Variants in OVCH1 observed in about 807,000 individuals in gnomAD.
The protein encoded by OVCH1 is ovochymase-1.
OVCH1 carries 139 observed loss-of-function variants against 138.4 expected under a neutral mutation model. The ratio of observed to expected loss-of-function variants is 1.00; its 90% CI spans 0.87 to 1.16. The LOEUF (loss-of-function observed/expected upper bound fraction) is 1.16, where lower values mean the gene tolerates loss of function less well. Among genes scored for constraint, OVCH1 ranks in the 50% most tolerant of loss-of-function variants. The pLI, the probability that OVCH1 is intolerant of heterozygous loss-of-function variation, is 0.00. For synonymous variants in OVCH1, 453 were observed against 467.8 expected (o/e 0.97, Z 0.41); for missense variants, 1,367 against 1,357.9 (o/e 1.01, Z -0.11).
At chr12:29,469,830 G>A (rs2136000697) in intron 16 of OVCH1, among the ~76,000 whole-genome samples, 1 of 152,248 alleles carries the variant, frequency 6.6e-6, no homozygotes, top group Admixed American at 6.5e-5. Flanking sequence ...CTATGATCAT[G>A]CCACTGCATT....
At position 29,442,642 on chromosome 12, in the gene OVCH1, T is replaced by G. The variant is rs906477072; in HGVS notation, c.3157+719A>C. Among the ~76,000 whole-genome samples the G allele has an allele frequency of 7.3e-5, 11 of 150,772 alleles. No individual in the cohort carries two copies. In the South Asian group the frequency reaches 1.3e-3, roughly 17 times the overall value. Reference sequence around the variant, plus strand: ...ATAATAATAATAAAATAAAAAAAAATAAAAAAAAGAAATTTTATGATGGGG... The same window carrying G: ...ATAATAATAATAAAATAAAAAAAAAGAAAAAAAAGAAATTTTATGATGGGG... On this transcript the variant is annotated intron_variant, in intron 25 of 27. Transcript: ENST00000318184.
intron 16 of OVCH1, among the ~76,000 whole-genome samples, chr12:29,467,584 G>T (rs1178267621): frequency 2.0e-5 from 3 of 152,138 alleles, no homozygotes; most frequent in Non-Finnish European, 2.9e-5. Flanking sequence ...AGAAGAGAGA[G>T]CCACCTGACT....
intron 25 of OVCH1, among the ~76,000 whole-genome samples, chr12:29,441,568 C>T (rs1381329142): frequency 6.6e-6 from 1 of 152,082 alleles, no homozygotes; most frequent in Non-Finnish European, 1.5e-5. Context: ...TGGGCAAGGA[C>T]TTCATGTCTA....
At chr12:29,491,097 T>A in exon 5 of OVCH1, 1 of 1,612,682 alleles carries the variant, frequency 6.2e-7, no homozygotes, top group African/African-American at 1.3e-5. Flanking sequence ...TGTCTCTTAC[T>A]TTTGGAAATC....
chr12:29,487,732 A>G lies in OVCH1; in HGVS notation c.853T>C (p.Ser285Pro), dbSNP rs770618696. The G allele has an allele frequency of 1.9e-6, 3 of 1,604,270 alleles. No individual in the cohort carries two copies. The South Asian group carries it at 3.4e-5, about 18-fold the overall frequency. ...TGAGTGATAAAATCCATCAACTCAG[A>G]CACTTTGGAGAAAATGCCAAGTGAT... is the stretch of plus-strand genomic sequence containing the variant. Residue 285 changes from serine (S) to proline (P), a missense_variant, in exon 7 of 28, where the codon TCT (serine) becomes CCT (proline). Ser to Pro is a moderately conservative substitution (Grantham distance 74). Coordinates refer to ENST00000318184, the Ensembl canonical transcript of OVCH1.
intron 3 of OVCH1, 30 bp from the exon 4 acceptor site, chr12:29,495,487 A>G: frequency 6.3e-7 from 1 of 1,594,830 alleles, no homozygotes; most frequent in Non-Finnish European, 8.6e-7. Flanking sequence ...TTTCATAAGT[A>G]GTTGTTTCCC....
chr12:29,471,879 C>A, exon 16 of OVCH1: 2 of 1,613,268 alleles, frequency 1.2e-6, no homozygotes, highest in Non-Finnish European at 1.7e-6. Flanking sequence ...CGCCTAGAAA[C>A]CTCAGACCCA....
In OVCH1 at chr12:29,477,248, G is replaced by A. The variant is rs770791710; in HGVS notation, c.1247-16C>T. 70 of 1,613,072 alleles carry A rather than the reference G, an allele frequency of 4.3e-5. No individual in the cohort carries two copies. In the South Asian group the frequency reaches 7.3e-4, roughly 17 times the overall value. On this transcript the variant is annotated splice_polypyrimidine_tract_variant and intron_variant, in intron 11 of 27. Transcript: ENST00000318184. ...CAACCTGACCCTGTGGAAGCATTGG[G>A]GAAATTCAAAGTGAATGGCCAAAGA...
intron 22 of OVCH1, among the ~76,000 whole-genome samples, chr12:29,448,410 T>TA (rs2135935879): frequency 6.6e-6 from 1 of 151,912 alleles, no homozygotes; most frequent in Admixed American, 6.6e-5. Flanking sequence ...TGATACAACT[T>TA]ACATCAGTCA....
At chr12:29,455,279 A>T (rs772868110) in exon 20 of OVCH1, 1 of 1,613,762 alleles carries the variant, frequency 6.2e-7, no homozygotes, top group South Asian at 1.1e-5. Flanking sequence ...CAGTCCAAGA[A>T]GATCATCACT....
rs1408116072 is a variant in OVCH1, at chr12:29,445,404, C to T, written c.2756-1G>A. 6.2e-7 allele frequency: 1 copy of T among 1,603,626 alleles called. No individual in the cohort carries two copies. Among genetic ancestry groups the T allele is most frequent in the Admixed American group, 1.7e-5 (1 of 58,106 alleles). ...TAAAGTCTTCTTCCATGTAATCCAC[C>T]TAGGTTAAAAAGTGAACTCTAGTAA... On this transcript the variant is annotated splice_acceptor_variant, in intron 22 of 27. Coordinates refer to ENST00000318184, the Ensembl canonical transcript of OVCH1. LOFTEE classifies it high-confidence loss of function.
At chr12:29,496,914 C>T (rs1179790377) in intron 1 of OVCH1, among the ~76,000 whole-genome samples, 2 of 152,206 alleles carry the variant, frequency 1.3e-5, no homozygotes, top group Admixed American at 6.5e-5. Flanking sequence ...AGGAAGGAGC[C>T]AGCGCTGCCT....
At chr12:29,455,455 CCTG>C (rs753578192) in intron 19 of OVCH1, 50 bp from the exon 20 acceptor site, 130 of 1,529,396 alleles carry the variant, frequency 8.5e-5, no homozygotes, top group Middle Eastern at 3.5e-4. Context: ...ATCTGAAGCT[CCTG>C]CTTTCAGTTT....
intron 22 of OVCH1, among the ~76,000 whole-genome samples, chr12:29,449,171 A>G (rs916013317): frequency 4.6e-5 from 7 of 151,634 alleles, no homozygotes; most frequent in African/African-American, 1.7e-4. Flanking sequence ...TCTATTTTTA[A>G]CCATCTTCTG....
intron 3 of OVCH1, among the ~76,000 whole-genome samples, chr12:29,414,494 T>C (rs965333080): frequency 4.6e-5 from 7 of 152,220 alleles, no homozygotes; most frequent in African/African-American, 1.7e-4. Context: ...AAAATAAATC[T>C]GTGCAGTTGT....
At chr12:29,496,874 G>T (rs115657452) in intron 1 of OVCH1, among the ~76,000 whole-genome samples, 200 bp from the exon 2 acceptor site, 1 of 152,172 alleles carries the variant, frequency 6.6e-6, no homozygotes, top group African/African-American at 2.4e-5. Context: ...CCTCCTGTCT[G>T]CTCCCTTTCA....
At chr12:29,491,988 A>G (rs1165870926) in intron 4 of OVCH1, among the ~76,000 whole-genome samples, 1 of 152,182 alleles carries the variant, frequency 6.6e-6, no homozygotes, top group Non-Finnish European at 1.5e-5. Context: ...GAGTGTATAT[A>G]TTTGTGTTTG....
chr12:29,489,524 C>T (rs1202810927), intron 6 of OVCH1, 96 bp downstream of exon 6: 3 of 1,323,804 alleles, frequency 2.3e-6, no homozygotes, highest in African/African-American at 3.0e-5. Context: ...AATTTTGACA[C>T]AGTAATAGAA....
exon 22 of OVCH1, chr12:29,451,356 C>T (rs1344793921): frequency 1.9e-6 from 3 of 1,612,240 alleles, no homozygotes; most frequent in Non-Finnish European, 2.5e-6. Flanking sequence ...TGCCGTCTTT[C>T]TCTTACTGTG....
Sources: gnomAD v4.1 joint callset for allele counts (sites outside exome capture counted in the v4.1 genomes callset) on GRCh38, gnomAD v4.1.1 for gene constraint, MANE v1.5 for transcripts, NCBI Gene and HGNC (gene_info 2026-07-23, HGNC 2026-07-21) for gene names.